MYOZ3: variants seen among roughly 807,000 people sequenced by gnomAD.
MYOZ3 encodes myozenin-3.
MYOZ3 carries 19 observed loss-of-function variants against 26.5 expected under a neutral mutation model. The ratio of observed to expected loss-of-function variants is 0.72; its 90% CI spans 0.50 to 1.05. The LOEUF is 1.05. Among genes scored for constraint, MYOZ3 ranks in the 50% least tolerant of loss-of-function variants. The pLI, the probability that MYOZ3 is intolerant of heterozygous loss-of-function variation, is 0.00. For synonymous variants in MYOZ3, 135 were observed against 138.8 expected (o/e 0.97, Z 0.19); for missense variants, 322 against 337.1 (o/e 0.96, Z 0.35).
chr5:150,671,644 G>C lies in MYOZ3; in HGVS notation c.264G>C (p.Ser88=). The C allele has an allele frequency of 6.2e-7, 1 of 1,613,888 alleles. No individual in the cohort carries two copies. Among genetic ancestry groups the C allele is most frequent in the African/African-American group, 1.3e-5 (1 of 75,046 alleles). Residue 88 remains serine, a synonymous_variant, in exon 4 of 7, where the codon TCG becomes TCC. Transcript: ENST00000517768. Reference sequence around the variant, plus strand: ...GGAAGGTGACTGGAACAGCGGAGTCGGGGACGGTGAGCGTGGAGGGGAGCT... The same window carrying C: ...GGAAGGTGACTGGAACAGCGGAGTCCGGGACGGTGAGCGTGGAGGGGAGCT... The part of the protein sequence containing the change: ...ARRKVTGTAE[S]GTVANANGPE...
chr5:150,662,617 G>A lies in MYOZ3; in HGVS notation c.-1-324G>A, dbSNP rs751031772. 7.2e-5 allele frequency among the ~76,000 whole-genome samples: 11 copies of A among 152,150 alleles called. 1 individual carries two copies. Among genetic ancestry groups the A allele is most frequent in the African/African-American group, 1.4e-4 (6 of 41,440 alleles). The stretch of plus-strand genomic sequence containing the variant: ...CCTGAGACCTTTGCCTGCCCCACCC[G>A]GATGCCCCTGGCACCTACTCTCCCT... On this transcript the variant is annotated intron_variant, in intron 1 of 6. Coordinates refer to ENST00000517768, the MANE Select transcript of MYOZ3 (RefSeq NM_001122853.3).
In MYOZ3 at chr5:150,671,515, C is replaced by A. The variant is rs1344550623; in HGVS notation, c.217-82C>A. ...CGTTAGGATTCTTGCCTCCCCCCGA[C>A]CTTTTTTTTTGGTGGAGGGAGAACC... On this transcript the variant is annotated intron_variant, in intron 3 of 6. Transcript: ENST00000517768. The A allele has an allele frequency of 1.0e-5, 15 of 1,471,814 alleles. No individual in the cohort carries two copies. The Admixed American group carries it at 2.4e-4, about 24-fold the overall frequency. The allele number at this position is 1,471,814 out of a possible 1,614,324, so 91.2% of individuals were successfully genotyped here.
chr5:150,676,381 TA>T (rs1373434052), intron 6 of MYOZ3, among the ~76,000 whole-genome samples: 2 of 151,764 alleles, frequency 1.3e-5, no homozygotes, highest in African/African-American at 4.8e-5. Flanking sequence ...CCGTCTCTAC[TA>T]AAAATACAAA....
At chr5:150,671,698 G>A (rs1330990329) in intron 4 of MYOZ3, 48 bp downstream of exon 4, 2 of 1,613,646 alleles carry the variant, frequency 1.2e-6, no homozygotes, top group South Asian at 1.1e-5. Flanking sequence ...GGGAAGGGGA[G>A]CGCGGCTGGG....
In MYOZ3 at chr5:150,661,268, G is replaced by A. The variant is rs1758726520; in HGVS notation, c.-161G>A. 6.6e-6 allele frequency: 1 copy of A among 152,454 alleles called. No individual in the cohort carries two copies. Among genetic ancestry groups the A allele is most frequent in the Non-Finnish European group, 1.5e-5 (1 of 68,080 alleles). 9.4% of individuals were successfully genotyped at this position (152,454 alleles called of 1,614,324 possible). ...AAGGCAGGAATGATTCTCATCAGCTGAAGCCAGAGCTGGCTGCAGGGGACA... is the reference window on the plus strand; with the variant it reads ...AAGGCAGGAATGATTCTCATCAGCTAAAGCCAGAGCTGGCTGCAGGGGACA... On this transcript the variant is annotated 5_prime_UTR_variant, in exon 1 of 7. The change abolishes the stop of an existing upstream ORF in the 5' untranslated region. Transcript: ENST00000517768.
In MYOZ3 at chr5:150,678,717, T is replaced by C. The variant is rs1759056999; in HGVS notation, c.*1842T>C. ...GATGAGGACAAGTATAAAACCTCCTTTATGGGTTTGTTGTGAACACAGTGC... is the reference window on the plus strand; with the variant it reads ...GATGAGGACAAGTATAAAACCTCCTCTATGGGTTTGTTGTGAACACAGTGC... On this transcript the variant is annotated 3_prime_UTR_variant, in exon 7 of 7. Coordinates refer to ENST00000517768, the MANE Select transcript of MYOZ3 (RefSeq NM_001122853.3). The C allele has an allele frequency of 6.6e-6, 1 of 152,214 alleles. No homozygotes were observed. The highest frequency in any genetic ancestry group is 6.6e-5 in the Admixed American group (1 of 15,264). 9.4% of individuals were successfully genotyped at this position (152,214 alleles called of 1,614,324 possible). A position where few individuals can be genotyped will look rare whatever the true frequency, so the allele number is the denominator to read the frequency against.
chr5:150,663,479 G>A (rs781094023), intron 2 of MYOZ3, among the ~76,000 whole-genome samples: 4 of 152,128 alleles, frequency 2.6e-5, no homozygotes, highest in Non-Finnish European at 5.9e-5. Flanking sequence ...GGAAGACAGG[G>A]GAGTCGAGAG....
intron 2 of MYOZ3, among the ~76,000 whole-genome samples, chr5:150,666,439 C>A (rs1211958327): frequency 6.6e-6 from 1 of 151,862 alleles, no homozygotes; most frequent in Non-Finnish European, 1.5e-5. Flanking sequence ...CATGGTGAAA[C>A]CCCATCTCTG....
In MYOZ3 at chr5:150,672,519, AG is replaced by A. The variant is rs771164201; in HGVS notation, c.587+18del. On this transcript the variant is annotated intron_variant, in intron 6 of 6. Transcript: ENST00000517768. ...TTTCAACAAGTAAGGCGGGGCGGGC[AG>A]CCCGGGGGACAGACCGGGAGGGGCG... 24 of 1,548,802 alleles carry A rather than the reference AG, an allele frequency of 1.5e-5. No individual in the cohort carries two copies. The highest frequency in any genetic ancestry group is 2.0e-5 in the Non-Finnish European group (23 of 1,147,750).
intron 2 of MYOZ3, among the ~76,000 whole-genome samples, chr5:150,664,731 T>C (rs888589038): frequency 3.9e-5 from 6 of 152,202 alleles, no homozygotes; most frequent in African/African-American, 1.4e-4. Flanking sequence ...GCAATTTGAC[T>C]CCAGGTCTCT....
At chr5:150,668,693 T>C (rs1758845512) in intron 2 of MYOZ3, among the ~76,000 whole-genome samples, 1 of 152,220 alleles carries the variant, frequency 6.6e-6, no homozygotes, top group Non-Finnish European at 1.5e-5. Flanking sequence ...TCCTCACCAT[T>C]CTGTCCCCTC....
In MYOZ3 at chr5:150,677,089, C is replaced by T; in HGVS notation, c.*214C>T. ...TTCCAAATCCAGACAACTGGACTGT[C>T]CCAGACTTGCAGCATCAGAGTCTCC... On this transcript the variant is annotated 3_prime_UTR_variant, in exon 7 of 7. Transcript: ENST00000517768. 1.9e-6 allele frequency: 1 copy of T among 529,006 alleles called. No individual in the cohort carries two copies. The highest frequency in any genetic ancestry group is 3.4e-6 in the Non-Finnish European group (1 of 296,296). 32.8% of individuals were successfully genotyped at this position (529,006 alleles called of 1,614,324 possible).
At position 150,676,885 on chromosome 5, in the gene MYOZ3, G is replaced by T; in HGVS notation, c.*10G>T. 1 of 1,600,152 alleles carries T rather than the reference G, an allele frequency of 6.2e-7. No individual in the cohort carries two copies. On this transcript the variant is annotated 3_prime_UTR_variant, in exon 7 of 7. Transcript: ENST00000517768. ...GTCCGAGGAGCTGTAGCCCTAGCCT[G>T]AATCTTCAGTTCCCCAGTCTCGGGG...
At chr5:150,666,915 T>C (rs1481850111) in intron 2 of MYOZ3, among the ~76,000 whole-genome samples, 1 of 151,984 alleles carries the variant, frequency 6.6e-6, no homozygotes, top group Non-Finnish European at 1.5e-5. Context: ...CACGCCACCA[T>C]GCCTGGCTAA....
chr5:150,668,521 C>A (rs141248594), intron 2 of MYOZ3, among the ~76,000 whole-genome samples: 2 of 152,206 alleles, frequency 1.3e-5, no homozygotes, highest in Non-Finnish European at 2.9e-5. Flanking sequence ...CCCCAGGCTC[C>A]GTCTCTGATC....
intron 2 of MYOZ3, chr5:150,668,948 C>T (rs947373756): frequency 1.3e-5 from 2 of 152,224 alleles, no homozygotes; most frequent in Non-Finnish European, 2.9e-5. Flanking sequence ...AACATTTCAC[C>T]TCCAGGTCAG....
chr5:150,679,079 T>G lies in MYOZ3; in HGVS notation c.*2204T>G, dbSNP rs947658963. The G allele has an allele frequency of 2.0e-5, 3 of 152,370 alleles. No homozygotes were observed. The highest frequency in any genetic ancestry group is 4.4e-5 in the Non-Finnish European group (3 of 68,038). 9.4% of individuals were successfully genotyped at this position (152,370 alleles called of 1,614,324 possible). On this transcript the variant is annotated 3_prime_UTR_variant, in exon 7 of 7. Coordinates refer to ENST00000517768, the MANE Select transcript of MYOZ3 (RefSeq NM_001122853.3). ...TTTTAGAATTGCTTGCAATTGGTGT[T>G]TTCTCTTGAATTTGGGGGCTGCCAT...
chr5:150,663,098 G>C lies in MYOZ3; in HGVS notation c.61+96G>C, dbSNP rs912188849. ...GGCCTGCTGGCCCCAGGCCTGGGCA[G>C]ACAGGTGTGAGCTCCAGGCCAGCTC... On this transcript the variant is annotated intron_variant, in intron 2 of 6. Transcript: ENST00000517768. The C allele has an allele frequency of 7.6e-6, 8 of 1,050,656 alleles. No individual in the cohort carries two copies. In the Admixed American group the frequency reaches 2.1e-4, roughly 27 times the overall value. 65.1% of individuals were successfully genotyped at this position (1,050,656 alleles called of 1,614,324 possible).
Position 150,678,379 on chromosome 5 carries a change from C to T in MYOZ3, c.*1504C>T, listed in dbSNP as rs1759050998. The T allele has an allele frequency of 6.6e-6, 1 of 152,274 alleles. No homozygotes were observed. The highest frequency in any genetic ancestry group is 1.5e-5 in the Non-Finnish European group (1 of 68,048). 9.4% of individuals were successfully genotyped at this position (152,274 alleles called of 1,614,324 possible). A position where few individuals can be genotyped will look rare whatever the true frequency, so the allele number is the denominator to read the frequency against. On this transcript the variant is annotated 3_prime_UTR_variant, in exon 7 of 7. Coordinates refer to ENST00000517768, the MANE Select transcript of MYOZ3 (RefSeq NM_001122853.3). ...ATCTTATTTCTAATTCTCAGAACAA[C>T]CCTGAGAGAAAGATATTGTTGTCCC... is the stretch of plus-strand genomic sequence containing the variant.
Sources: allele counts gnomAD v4.1 joint callset (sites outside exome capture counted in the v4.1 genomes callset), GRCh38; gene constraint gnomAD v4.1.1; transcripts MANE v1.5; gene names NCBI Gene and HGNC (gene_info 2026-07-23, HGNC 2026-07-21).